GOPC: variants seen among roughly 807,000 people sequenced by gnomAD.
GOPC encodes golgi associated PDZ and coiled-coil motif containing, also known as Golgi-associated PDZ and coiled-coil motif-containing protein.
In GOPC, 32 loss-of-function variants were observed where a neutral mutation model predicts 51.2. The ratio of observed to expected loss-of-function variants is 0.63; its 90% CI spans 0.47 to 0.84. GOPC has a LOEUF of 0.84. Among genes scored for constraint, GOPC ranks in the 40% least tolerant of loss-of-function variants. The probability of loss-of-function intolerance (pLI) is 0.00; values close to 1 mark genes in which losing one functional copy is unlikely to be tolerated. For synonymous variants in GOPC, 190 were observed against 205.1 expected (o/e 0.93, Z 0.63); for missense variants, 441 against 555.5 (o/e 0.79, Z 2.07).
At chr6:117,597,520 C>T (rs1020091424) in intron 1 of GOPC, among the ~76,000 whole-genome samples, 3 of 152,174 alleles carry the variant, frequency 2.0e-5, no homozygotes, top group Admixed American at 6.5e-5. Context: ...GCCTATGATT[C>T]TAGCATAGCC....
chr6:117,568,883 C>A (rs1348980848), intron 7 of GOPC, among the ~76,000 whole-genome samples: 6 of 152,168 alleles, frequency 3.9e-5, no homozygotes, highest in Non-Finnish European at 5.9e-5. Flanking sequence ...CTCTGAGATG[C>A]AATTCTACAG....
At chr6:117,579,577 G>T (rs1779930004) in intron 1 of GOPC, among the ~76,000 whole-genome samples, 2 of 152,174 alleles carry the variant, frequency 1.3e-5, no homozygotes, top group South Asian at 4.1e-4. Context: ...TGAGACTATG[G>T]TAAGCCTAAA....
intron 1 of GOPC, among the ~76,000 whole-genome samples, chr6:117,586,716 C>T (rs902422169): frequency 2.0e-5 from 3 of 151,958 alleles, no homozygotes; most frequent in East Asian, 3.9e-4. Context: ...CTCCTGACCT[C>T]GTGATCCGCC....
chr6:117,601,944 A>G (rs1772020783), intron 1 of GOPC, 60 bp downstream of exon 1: 3 of 1,571,680 alleles, frequency 1.9e-6, no homozygotes, highest in Admixed American at 3.5e-5. Context: ...GTTAAATGGC[A>G]TCTGACGCCA....
chr6:117,590,836 T>TTTG (rs1196262182), intron 1 of GOPC, among the ~76,000 whole-genome samples: 3 of 150,426 alleles, frequency 2.0e-5, no homozygotes, highest in South Asian at 2.1e-4. Context: ...AGTTCCAAAT[T>TTTG]TTGTTTTGTT....
In GOPC at chr6:117,601,609, G is replaced by C. The variant is rs1404167514; in HGVS notation, c.285+395C>G. On this transcript the variant is annotated intron_variant, in intron 1 of 8. Transcript: ENST00000368498. Reference sequence around the variant, plus strand: ...AATTAAAATGAAAATAATCAGTGCTGTATCTGTCTTAACATATACAAATTC... The same window carrying C: ...AATTAAAATGAAAATAATCAGTGCTCTATCTGTCTTAACATATACAAATTC... Among the ~76,000 whole-genome samples, 3 of 152,204 alleles carry C rather than the reference G, an allele frequency of 2.0e-5. No homozygotes were observed. The South Asian group carries it at 6.2e-4, about 31-fold the overall frequency.
chr6:117,583,068 C>T (rs751626262), intron 1 of GOPC, among the ~76,000 whole-genome samples: 1 of 152,132 alleles, frequency 6.6e-6, no homozygotes, highest in Non-Finnish European at 1.5e-5. Context: ...GGAGTTTGCT[C>T]CTGCAGGTAC....
At chr6:117,570,165 G>C (rs999121448) in intron 6 of GOPC, among the ~76,000 whole-genome samples, 1 of 151,790 alleles carries the variant, frequency 6.6e-6, no homozygotes, top group Middle Eastern at 3.4e-3. Flanking sequence ...TCATTGTTGC[G>C]TGTGTGTAGG....
At chr6:117,593,662 T>C (rs1780151843) in intron 1 of GOPC, among the ~76,000 whole-genome samples, 1 of 152,212 alleles carries the variant, frequency 6.6e-6, no homozygotes, top group South Asian at 2.1e-4. Context: ...TTTCCAGGAC[T>C]GTTGTGAGAA....
chr6:117,565,120 G>A (rs564867243), intron 8 of GOPC, among the ~76,000 whole-genome samples: 120 of 152,094 alleles, frequency 7.9e-4, no homozygotes, highest in African/African-American at 2.8e-3. Context: ...AAATCCAGAA[G>A]GTTAATATAA....
At position 117,599,819 on chromosome 6, in the gene GOPC, C is replaced by CA. The variant is rs895438377; in HGVS notation, c.285+2184dup. ...AATACTCATCTAAAATATTTAAAGA[C>CA]AAAAAAAATGGAGCACAGCCTCCTA... On this transcript the variant is annotated intron_variant, in intron 1 of 8. Coordinates refer to ENST00000368498, the MANE Select transcript of GOPC (RefSeq NM_020399.4). 8.6e-5 allele frequency among the ~76,000 whole-genome samples: 13 copies of CA among 151,948 alleles called. No individual in the cohort carries two copies. In the East Asian group the frequency reaches 9.6e-4, roughly 11 times the overall value.
chr6:117,602,330 C>T lies in GOPC; in HGVS notation c.-42G>A. ...TCTCCCGACTGCTGAAGACCCTCGCCGCCCCCCGCGCACGAAGGGAACTGC... is the reference window on the plus strand; with the variant it reads ...TCTCCCGACTGCTGAAGACCCTCGCTGCCCCCCGCGCACGAAGGGAACTGC... On this transcript the variant is annotated 5_prime_UTR_variant, in exon 1 of 9. Transcript: ENST00000368498. The T allele has an allele frequency of 6.6e-7, 1 of 1,511,838 alleles. No homozygotes were observed. Among genetic ancestry groups the T allele is most frequent in the East Asian group, 2.4e-5 (1 of 41,308 alleles). The allele number at this position is 1,511,838 out of a possible 1,614,324, so 93.7% of individuals were successfully genotyped here. A position where few individuals can be genotyped will look rare whatever the true frequency, so the allele number is the denominator to read the frequency against.
intron 1 of GOPC, 83 bp downstream of exon 1, chr6:117,601,921 G>A (rs1019901508): frequency 1.4e-6 from 2 of 1,463,190 alleles, no homozygotes; most frequent in Non-Finnish European, 1.9e-6. Context: ...TTCTAGGGTC[G>A]TTTCACTGGA....
intron 6 of GOPC, 128 bp from the exon 7 acceptor site, chr6:117,569,864 G>T: frequency 1.9e-6 from 2 of 1,041,806 alleles, no homozygotes; most frequent in Non-Finnish European, 2.6e-6. Flanking sequence ...ATAAATGCTG[G>T]GTAAAATTTT....
intron 8 of GOPC, among the ~76,000 whole-genome samples, chr6:117,565,979 C>G (rs933165629): frequency 4.6e-5 from 7 of 152,234 alleles, no homozygotes; most frequent in South Asian, 4.1e-4. Context: ...ATTAAAAAGA[C>G]AGGTACTCAA....
At chr6:117,587,711 A>G (rs1250215912) in intron 1 of GOPC, among the ~76,000 whole-genome samples, 2 of 152,116 alleles carry the variant, frequency 1.3e-5, no homozygotes, top group Non-Finnish European at 2.9e-5. Context: ...ATAAAACATT[A>G]TTTGTCTTTT....
chr6:117,565,063 A>AT (rs1436430483), intron 8 of GOPC, among the ~76,000 whole-genome samples: 1 of 152,160 alleles, frequency 6.6e-6, no homozygotes, highest in African/African-American at 2.4e-5. Flanking sequence ...AGTAGGTAAA[A>AT]TTGAAAAATC....
intron 1 of GOPC, among the ~76,000 whole-genome samples, chr6:117,600,826 T>C (rs1420997389): frequency 6.6e-6 from 1 of 152,234 alleles, no homozygotes; most frequent in Non-Finnish European, 1.5e-5. Context: ...TAGCACTTTC[T>C]AATCTTTTCA....
intron 1 of GOPC, among the ~76,000 whole-genome samples, chr6:117,588,323 T>C (rs1780062715): frequency 6.6e-6 from 1 of 152,034 alleles, no homozygotes; most frequent in East Asian, 1.9e-4. Context: ...CAGGCCAGGC[T>C]GGAGTGTAGT....
Sources: gnomAD v4.1 joint callset for allele counts (sites outside exome capture counted in the v4.1 genomes callset) on GRCh38, gnomAD v4.1.1 for gene constraint, MANE v1.5 for transcripts, NCBI Gene and HGNC (gene_info 2026-07-23, HGNC 2026-07-21) for gene names.